Variants in SEMA3D observed in about 807,000 individuals in gnomAD.
SEMA3D encodes semaphorin-3D.
SEMA3D carries 84 observed loss-of-function variants against 100.1 expected under a neutral mutation model. That is an observed-to-expected ratio of 0.84 (90% CI 0.70 to 1.01). SEMA3D has a LOEUF of 1.01. Among genes scored for constraint, SEMA3D ranks in the 50% least tolerant of loss-of-function variants. The pLI is 0.00. For missense variants in SEMA3D, 875 were observed against 934.1 expected (o/e 0.94, Z 0.82); for synonymous variants, 312 against 320.7 (o/e 0.97, Z 0.29).
the SEMA3D span, among the ~76,000 whole-genome samples, chr7:85,227,412 G>A: frequency 3.3e-5 from 5 of 152,048 alleles, no homozygotes; most frequent in Non-Finnish European, 4.4e-5. Context: ...ACACCCCAAA[G>A]AGCTGCTTTG....
intron 2 of SEMA3D, chr7:85,140,694 T>C: frequency 1.0e-6 from 1 of 980,490 alleles, no homozygotes; most frequent in East Asian, 1.1e-4. Flanking sequence ...TAAGGAGTCA[T>C]TATTAAGAGA....
the SEMA3D span, among the ~76,000 whole-genome samples, chr7:85,231,253 ATATATTATGAT>A: frequency 6.6e-6 from 1 of 151,962 alleles, no homozygotes; most frequent in Non-Finnish European, 1.5e-5. Context: ...ATCCATCTTG[ATATATTATGAT>A]TATTGACAAA....
intron 1 of SEMA3D, among the ~76,000 whole-genome samples, chr7:85,178,056 C>T (rs952886941): frequency 1.3e-4 from 20 of 152,180 alleles, no homozygotes; most frequent in Non-Finnish European, 4.4e-5. Flanking sequence ...GCACTTCTAT[C>T]TCCTGCTGCC....
chr7:85,146,714 C>T (rs1201198680), intron 2 of SEMA3D, among the ~76,000 whole-genome samples: 6 of 151,880 alleles, frequency 4.0e-5, no homozygotes, highest in Non-Finnish European at 8.8e-5. Context: ...ACACAAGCAC[C>T]AGTCTTCCGT....
intron 4 of SEMA3D, among the ~76,000 whole-genome samples, chr7:85,090,674 C>T (rs62473403): frequency 0.091 from 13,810 of 152,088 alleles, 815 homozygotes; most frequent in Middle Eastern, 0.13. Flanking sequence ...TCTTACTCAG[C>T]CATAGAGTAA....
intron 15 of SEMA3D, among the ~76,000 whole-genome samples, chr7:85,016,856 G>T (rs1284256185): frequency 1.4e-5 from 2 of 147,324 alleles, no homozygotes; most frequent in Non-Finnish European, 3.0e-5. Flanking sequence ...CTGGGCTCAA[G>T]GTATCCTCCC....
At chr7:85,144,589 A>G (rs1790147123) in intron 2 of SEMA3D, 1 of 985,078 alleles carries the variant, frequency 1.0e-6, no homozygotes, top group Non-Finnish European at 1.2e-6. Flanking sequence ...GAGGATCTTT[A>G]TCAGGGTTTC....
At chr7:85,074,019 T>A (rs1791850539) in intron 5 of SEMA3D, among the ~76,000 whole-genome samples, 1 of 152,220 alleles carries the variant, frequency 6.6e-6, no homozygotes, top group African/African-American at 2.4e-5. Flanking sequence ...TGTATATTAT[T>A]TTCAACCTAT....
At chr7:85,113,319 T>C (rs1299046516) in intron 3 of SEMA3D, among the ~76,000 whole-genome samples, 2 of 152,098 alleles carry the variant, frequency 1.3e-5, no homozygotes, top group Admixed American at 1.3e-4. Flanking sequence ...TATGCGAGAA[T>C]TCGCCACATG....
chr7:85,057,493 A>G (rs568228507), intron 8 of SEMA3D, among the ~76,000 whole-genome samples: 25 of 152,336 alleles, frequency 1.6e-4, no homozygotes, highest in African/African-American at 5.8e-4. Context: ...CGGGAGGTGA[A>G]AAAGATCAAT....
intron 2 of SEMA3D, chr7:85,142,329 TA>T: frequency 1.0e-6 from 1 of 957,132 alleles, no homozygotes; most frequent in Non-Finnish European, 1.2e-6. Flanking sequence ...CAGCCAAAGT[TA>T]ATTCCATATG....
chr7:85,191,072 A>G (rs754196154), upstream of SEMA3D, among the ~76,000 whole-genome samples: 2 of 152,088 alleles, frequency 1.3e-5, no homozygotes, highest in African/African-American at 4.8e-5. Context: ...GGCTATATTT[A>G]CTTAGCTGGG....
chr7:85,038,086 C>T (rs946246908), intron 11 of SEMA3D, among the ~76,000 whole-genome samples: 2 of 151,856 alleles, frequency 1.3e-5, no homozygotes, highest in African/African-American at 2.4e-5. Flanking sequence ...TCTGGAGATA[C>T]GTCTAATGTT....
At chr7:85,142,126 C>G in intron 2 of SEMA3D, 1 of 984,360 alleles carries the variant, frequency 1.0e-6, no homozygotes, top group Non-Finnish European at 1.2e-6. Context: ...AATTTCTAAG[C>G]AATTATTGAC....
the SEMA3D span, among the ~76,000 whole-genome samples, chr7:85,214,265 CTT>C: frequency 6.6e-6 from 1 of 152,066 alleles, no homozygotes; most frequent in Non-Finnish European, 1.5e-5. Flanking sequence ...GCACCAAGGA[CTT>C]TTCTTTGGTA....
intron 17 of SEMA3D, among the ~76,000 whole-genome samples, chr7:85,011,872 G>T (rs1194537168): frequency 4.6e-5 from 7 of 151,598 alleles, no homozygotes; most frequent in Non-Finnish European, 1.0e-4. Flanking sequence ...ATGAAATTTG[G>T]GTTATTTACA....
At chr7:85,176,714 C>T (rs2116563146) in intron 1 of SEMA3D, among the ~76,000 whole-genome samples, 1 of 150,830 alleles carries the variant, frequency 6.6e-6, no homozygotes, top group African/African-American at 2.4e-5. Context: ...CAATTTGGAA[C>T]ATAAGGAAGA....
intron 18 of SEMA3D, among the ~76,000 whole-genome samples, chr7:85,003,947 A>G (rs185393711): frequency 2.0e-3 from 301 of 152,292 alleles, no homozygotes; most frequent in Middle Eastern, 3.4e-3. Flanking sequence ...CCATAAAGAT[A>G]ACAAATGTCT....
At chr7:85,248,062 C>G in the SEMA3D span, among the ~76,000 whole-genome samples, 2 of 151,602 alleles carry the variant, frequency 1.3e-5, no homozygotes, top group Non-Finnish European at 2.9e-5. Context: ...ACAGACTGGA[C>G]AAAATATTTG....
Sources: allele counts gnomAD v4.1 joint callset (sites outside exome capture counted in the v4.1 genomes callset), GRCh38; gene constraint gnomAD v4.1.1; transcripts MANE v1.5; gene names NCBI Gene and HGNC (gene_info 2026-07-23, HGNC 2026-07-21).